CHRM2: variants seen among roughly 807,000 people sequenced by gnomAD.
CHRM2 encodes the protein muscarinic acetylcholine receptor M2.
Under a neutral mutation model 25.0 loss-of-function variants are expected in CHRM2, and 8 were observed. That is an observed-to-expected ratio of 0.32 (90% CI 0.19 to 0.58). CHRM2 has a LOEUF of 0.58. Ranked by LOEUF, CHRM2 falls within the 20% of genes least tolerant of loss-of-function variation. The pLI, the probability that CHRM2 is intolerant of heterozygous loss-of-function variation, is 0.88. For synonymous variants in CHRM2, 202 were observed against 205.7 expected, an observed-to-expected ratio of 0.98 and a Z score of 0.15; for missense variants, 440 against 567.1, an observed-to-expected ratio of 0.78 and a Z score of 2.28.
chr7:136,905,256 C>T (rs1392779703), intron 2 of CHRM2, among the ~76,000 whole-genome samples: 3 of 151,688 alleles, frequency 2.0e-5, no homozygotes, highest in African/African-American at 7.3e-5. Flanking sequence ...GTTTGGATAA[C>T]TGAAGATCAT....
At chr7:136,930,596 A>G (rs1799018712) in intron 2 of CHRM2, among the ~76,000 whole-genome samples, 1 of 89,974 alleles carries the variant, frequency 1.1e-5, no homozygotes, top group Non-Finnish European at 3.4e-5. Flanking sequence ...ACGATAGGAA[A>G]AAAAAAAATG....
At chr7:136,915,551 A>G (rs141363074) in intron 2 of CHRM2, among the ~76,000 whole-genome samples, 173 of 151,970 alleles carry the variant, frequency 1.1e-3, no homozygotes, top group African/African-American at 4.0e-3. Flanking sequence ...AACATGTTCT[A>G]GTTTATAGGG....
intron 2 of CHRM2, among the ~76,000 whole-genome samples, chr7:136,872,427 C>A (rs956365842): frequency 2.6e-5 from 4 of 152,176 alleles, no homozygotes; most frequent in African/African-American, 9.7e-5. Context: ...CTGTTGTCTT[C>A]ATGTTAAAAA....
At chr7:136,912,174 A>G (rs1797879272) in intron 2 of CHRM2, among the ~76,000 whole-genome samples, 1 of 151,918 alleles carries the variant, frequency 6.6e-6, no homozygotes, top group Non-Finnish European at 1.5e-5. Context: ...CTTCTCTTTC[A>G]ATAGCATTGT....
chr7:137,000,556 G>GAAGGAAGGAAGGAAGA (rs1270223226), intron 3 of CHRM2, among the ~76,000 whole-genome samples: 2 of 138,856 alleles, frequency 1.4e-5, no homozygotes, highest in African/African-American at 5.1e-5. Context: ...AAGAAGGAAG[G>GAAGGAAGGAAGGAAGA]AAGGAAGGAA....
intron 2 of CHRM2, among the ~76,000 whole-genome samples, chr7:136,972,317 A>C (rs2130935416): frequency 6.6e-6 from 1 of 152,294 alleles, no homozygotes; most frequent in African/African-American, 2.4e-5. Context: ...TGTTCATTTT[A>C]AGGCTGTTTC....
intron 3 of CHRM2, among the ~76,000 whole-genome samples, chr7:137,000,456 T>TC (rs1437970691): frequency 1.2e-4 from 18 of 150,564 alleles, no homozygotes; most frequent in African/African-American, 4.4e-4. Context: ...CACCTCGGCC[T>TC]CCCAAAGTGC....
chr7:136,913,847 A>G lies in CHRM2; in HGVS notation c.-125+44429A>G, dbSNP rs371334938. Among the ~76,000 whole-genome samples, 109 of 152,078 alleles carry G rather than the reference A, an allele frequency of 7.2e-4. 1 individual carries two copies. In the South Asian group the frequency reaches 0.021, roughly 30 times the overall value. On this transcript the variant is annotated intron_variant, in intron 2 of 3. Transcript: ENST00000680005. The stretch of plus-strand genomic sequence containing the variant: ...TGACTATAACCATCCTTCTTTTTCC[A>G]TTAGAGTTTACTACCCCCACTTCTG...
chr7:136,986,395 A>G (rs1182804992), intron 2 of CHRM2, among the ~76,000 whole-genome samples: 2 of 152,202 alleles, frequency 1.3e-5, no homozygotes, highest in Non-Finnish European at 2.9e-5. Flanking sequence ...TTATAGGCCC[A>G]ATCTCATTAA....
chr7:137,015,978 G>C lies in CHRM2; in HGVS notation c.1113G>C (p.Gln371His), dbSNP rs1237014805. The change falls in exon 4 of 4, where the codon CAG becomes CAC. Residue 371 changes from glutamine to histidine, a missense_variant. Transcript: ENST00000680005. This position sits in a 1 kb window ranked among gnomAD's most constrained non-coding sequence, Gnocchi z 5.1. Reference sequence around the variant, plus strand: ...GCAAGATTGTGAAGATGACTAAGCAGCCTGCAAAAAAGAAGCCTCCTCCTT... The same window carrying C: ...GCAAGATTGTGAAGATGACTAAGCACCCTGCAAAAAAGAAGCCTCCTCCTT... The part of the protein sequence containing the change: ...VARKIVKMTK[Q>H]PAKKKPPPSR... The C allele has an allele frequency of 3.7e-6, 6 of 1,613,122 alleles. No individual in the cohort carries two copies. The highest frequency in any genetic ancestry group is 2.5e-6 in the Non-Finnish European group (3 of 1,179,432).
intron 3 of CHRM2, among the ~76,000 whole-genome samples, chr7:137,013,256 G>C (rs1177098454): frequency 6.6e-6 from 1 of 151,776 alleles, no homozygotes; most frequent in East Asian, 1.9e-4. Context: ...TCTGAATTTT[G>C]GGTCTTATTA....
chr7:136,975,905 G>A lies in CHRM2; in HGVS notation c.-124-16282G>A, dbSNP rs77640264. On this transcript the variant is annotated intron_variant, in intron 2 of 3. Coordinates refer to ENST00000680005, the MANE Select transcript of CHRM2 (RefSeq NM_001006630.2). Reference sequence around the variant, plus strand: ...TACTCTCAAGGATGATGGTGTTCTCGTTCATATTTTCAAGGAGAATGTATT... The same window carrying A: ...TACTCTCAAGGATGATGGTGTTCTCATTCATATTTTCAAGGAGAATGTATT... Among the ~76,000 whole-genome samples, 1,190 of 152,128 alleles carry A rather than the reference G, an allele frequency of 7.8e-3. 7 individuals are homozygous for A. Among genetic ancestry groups the A allele is most frequent in the Non-Finnish European group, 0.011 (779 of 67,966 alleles).
chr7:136,952,604 T>C (rs995184155), intron 2 of CHRM2, among the ~76,000 whole-genome samples: 2 of 152,026 alleles, frequency 1.3e-5, no homozygotes, highest in Admixed American at 6.6e-5. Flanking sequence ...CAGGGGTACA[T>C]GTGCAGGTTT....
At chr7:136,901,929 G>C (rs1307526802) in intron 2 of CHRM2, 1 of 151,892 alleles carries the variant, frequency 6.6e-6, no homozygotes, top group African/African-American at 2.4e-5. Flanking sequence ...GAGGTGTGCT[G>C]CTCGTCTCTA....
At position 137,018,397 on chromosome 7, in the gene CHRM2, C is replaced by A. The variant is rs1391076923; in HGVS notation, c.*2131C>A. 1.3e-5 allele frequency: 2 copies of A among 151,898 alleles called. No homozygotes were observed. The highest frequency in any genetic ancestry group is 2.9e-5 in the Non-Finnish European group (2 of 67,924). 9.4% of individuals were successfully genotyped at this position (151,898 alleles called of 1,614,324 possible). A position where few individuals can be genotyped will look rare whatever the true frequency, so the allele number is the denominator to read the frequency against. On this transcript the variant is annotated 3_prime_UTR_variant, in exon 4 of 4. Transcript: ENST00000680005. ...ACAGTTACTTCAACATGCACTTTTA[C>A]ATTTTAAATTCATATTTATTTTCAT... is the stretch of plus-strand genomic sequence containing the variant.
intron 3 of CHRM2, among the ~76,000 whole-genome samples, chr7:137,014,324 G>C (rs1195200836): frequency 6.6e-6 from 1 of 151,896 alleles, no homozygotes; most frequent in Non-Finnish European, 1.5e-5. Context: ...AAAAGGCTTA[G>C]AGCTTCCATG....
chr7:136,898,410 C>A (rs141867215), intron 2 of CHRM2, among the ~76,000 whole-genome samples: 93 of 152,090 alleles, frequency 6.1e-4, no homozygotes, highest in African/African-American at 2.2e-3. Context: ...TTTTTTGGTA[C>A]ATGGAATTTA....
chr7:137,014,755 C>A (rs1805059374), intron 3 of CHRM2, 65 bp from the exon 4 acceptor site: 4 of 1,001,406 alleles, frequency 4.0e-6, no homozygotes, highest in Admixed American at 2.1e-5. Flanking sequence ...AAAGGAGAAA[C>A]AACATTATGT....
chr7:137,002,371 T>C lies in CHRM2; in HGVS notation c.-47+10107T>C, dbSNP rs373139890. The stretch of plus-strand genomic sequence containing the variant: ...TATATTTTTCAACAATACATCTCTC[T>C]CTTAGTTTCATGATTTGTTCTAAAT... On this transcript the variant is annotated intron_variant, in intron 3 of 3. Coordinates refer to ENST00000680005, the MANE Select transcript of CHRM2 (RefSeq NM_001006630.2). 2.6e-5 allele frequency among the ~76,000 whole-genome samples: 4 copies of C among 152,202 alleles called. No individual in the cohort carries two copies. In the South Asian group the frequency reaches 8.3e-4, roughly 32 times the overall value.
Sources: allele counts gnomAD v4.1 joint callset (sites outside exome capture counted in the v4.1 genomes callset), GRCh38; gene constraint gnomAD v4.1.1; non-coding constraint Gnocchi (gnomAD v3.1); transcripts MANE v1.5; gene names NCBI Gene and HGNC (gene_info 2026-07-23, HGNC 2026-07-21).